Variants in LRRC4C observed in about 807,000 individuals in gnomAD.
LRRC4C encodes leucine rich repeat containing 4C, also known as leucine-rich repeat-containing protein 4C.
A neutral mutation model predicts 33.6 loss-of-function variants in LRRC4C; 5 were observed. That is an observed-to-expected ratio of 0.15 (90% CI 0.08 to 0.31). The LOEUF is 0.31. Among genes scored for constraint, LRRC4C ranks in the 10% least tolerant of loss-of-function variants. The pLI is 1.00. For missense variants in LRRC4C, 560 were observed against 796.7 expected (o/e 0.70, Z 3.58); for synonymous variants, 329 against 302.0 (o/e 1.09, Z -0.93).
chr11:40,858,608 T>G (rs901119765), intron 2 of LRRC4C, among the ~76,000 whole-genome samples: 1 of 149,420 alleles, frequency 6.7e-6, no homozygotes, highest in Non-Finnish European at 1.5e-5. Context: ...GCGGGAGAAT[T>G]GCTTGAACCC....
chr11:41,196,637 A>G lies in LRRC4C; in HGVS notation c.-496+262794T>C, dbSNP rs55635943. Among the ~76,000 whole-genome samples, 522 of 152,196 alleles carry G rather than the reference A, an allele frequency of 3.4e-3. 1 individual carries two copies. The highest frequency in any genetic ancestry group is 0.012 in the African/African-American group (486 of 41,568). ...ATGTATACATAAAATGCAAGAATGA[A>G]TAGATGGATAACTGGATGGACAGCT... On this transcript the variant is annotated intron_variant, in intron 1 of 6. Coordinates refer to ENST00000528697, the MANE Select transcript of LRRC4C (RefSeq NM_001258419.2).
At chr11:40,310,331 G>A (rs1016064748) in intron 4 of LRRC4C, among the ~76,000 whole-genome samples, 10 of 152,160 alleles carry the variant, frequency 6.6e-5, no homozygotes, top group African/African-American at 2.4e-4. Context: ...AATAAGGAAT[G>A]AATCAGAACC....
chr11:40,253,231 A>T (rs185266786), intron 4 of LRRC4C, among the ~76,000 whole-genome samples: 1 of 152,340 alleles, frequency 6.6e-6, no homozygotes, highest in East Asian at 1.9e-4. Context: ...TAAGACTTGT[A>T]AAAACAGTTT....
intron 5 of LRRC4C, among the ~76,000 whole-genome samples, chr11:40,208,948 C>CGTGTGTGT (rs58767227): frequency 0.26 from 38,547 of 146,516 alleles, 5,083 homozygotes; most frequent in East Asian, 0.36. Flanking sequence ...CTTTTGTGCA[C>CGTGTGTGT]GTGTGTGTGT....
At chr11:40,650,359 C>CTGAA (rs1297830327) in intron 2 of LRRC4C, among the ~76,000 whole-genome samples, 1 of 152,108 alleles carries the variant, frequency 6.6e-6, no homozygotes, top group Non-Finnish European at 1.5e-5. Context: ...CATAAACCAT[C>CTGAA]TGAAAAAGGG....
intron 2 of LRRC4C, among the ~76,000 whole-genome samples, chr11:40,801,306 G>C (rs1057126083): frequency 6.6e-6 from 1 of 152,042 alleles, no homozygotes; most frequent in Non-Finnish European, 1.5e-5. Context: ...CAGCTGGTGT[G>C]CCCTTCCTCA....
chr11:41,102,249 T>A (rs966750236), intron 1 of LRRC4C, among the ~76,000 whole-genome samples: 9 of 152,142 alleles, frequency 5.9e-5, no homozygotes, highest in African/African-American at 2.2e-4. Flanking sequence ...GAATAAAAAA[T>A]GTTTATTCCA....
At chr11:41,260,221 G>T (rs1319989907) in intron 1 of LRRC4C, among the ~76,000 whole-genome samples, 1 of 151,916 alleles carries the variant, frequency 6.6e-6, no homozygotes. Flanking sequence ...AAGATACCTT[G>T]CCTGTTTCTA....
chr11:40,496,556 G>A (rs1954469278), intron 3 of LRRC4C, among the ~76,000 whole-genome samples: 4 of 151,926 alleles, frequency 2.6e-5, no homozygotes, highest in Admixed American at 2.0e-4. Flanking sequence ...AATCCGCATA[G>A]ACCATCCTAC....
At chr11:40,936,631 C>T (rs1222491505) in intron 1 of LRRC4C, among the ~76,000 whole-genome samples, 2 of 151,920 alleles carry the variant, frequency 1.3e-5, no homozygotes, top group South Asian at 2.1e-4. Context: ...CCACCGTGCC[C>T]GGCCAGTATC....
chr11:40,984,239 G>T (rs565501128), intron 1 of LRRC4C, among the ~76,000 whole-genome samples: 8 of 148,070 alleles, frequency 5.4e-5, no homozygotes, highest in African/African-American at 2.0e-4. Context: ...GGAAAGGAAA[G>T]GGGAAAGGAA....
At chr11:40,999,428 C>A (rs929273046) in intron 1 of LRRC4C, among the ~76,000 whole-genome samples, 4 of 152,194 alleles carry the variant, frequency 2.6e-5, no homozygotes, top group Non-Finnish European at 1.5e-5. Flanking sequence ...TGGCAGAATT[C>A]TTTAAAAATA....
At chr11:40,452,802 CTGGA>C (rs1590786214) in intron 3 of LRRC4C, among the ~76,000 whole-genome samples, 1 of 152,196 alleles carries the variant, frequency 6.6e-6, no homozygotes, top group East Asian at 1.9e-4. Flanking sequence ...CAATGATAGA[CTGGA>C]TTAAGAAAAT....
At chr11:41,011,516 A>C (rs1592330353) in intron 1 of LRRC4C, among the ~76,000 whole-genome samples, 2 of 152,138 alleles carry the variant, frequency 1.3e-5, no homozygotes, top group African/African-American at 2.4e-5. Flanking sequence ...ACTATAAAGT[A>C]AATAAAATCG....
intron 1 of LRRC4C, among the ~76,000 whole-genome samples, chr11:41,174,538 C>A (rs1945113027): frequency 6.6e-6 from 1 of 151,988 alleles, no homozygotes; most frequent in Non-Finnish European, 1.5e-5. Context: ...TGTCTGGAAT[C>A]AAATCTGCCT....
At chr11:40,801,516 G>A (rs771032332) in intron 2 of LRRC4C, among the ~76,000 whole-genome samples, 1 of 152,126 alleles carries the variant, frequency 6.6e-6, no homozygotes, top group African/African-American at 2.4e-5. Context: ...GGCATGGACT[G>A]CACCTATTTT....
rs1029966611 is a variant in LRRC4C at position 41,152,276 on chromosome 11, G to A, written c.-495-218553C>T. Among the ~76,000 whole-genome samples the A allele has an allele frequency of 6.6e-5, 10 of 152,326 alleles. No homozygotes were observed. In the South Asian group the frequency reaches 2.1e-3, roughly 32 times the overall value. On this transcript the variant is annotated intron_variant, in intron 1 of 6. Transcript: ENST00000528697. ...AGAGAAAGAACTGATGCTCACAGAA[G>A]TAAGCTGACTTCTCCAGAGTCATAG...
intron 6 of LRRC4C, among the ~76,000 whole-genome samples, chr11:40,122,032 A>G (rs1855863686): frequency 6.6e-6 from 1 of 152,130 alleles, no homozygotes; most frequent in African/African-American, 2.4e-5. Context: ...CCACCAAAGC[A>G]AATGGCTTCA....
At chr11:41,421,168 T>C (rs182115966) in intron 1 of LRRC4C, among the ~76,000 whole-genome samples, 4 of 152,174 alleles carry the variant, frequency 2.6e-5, no homozygotes, top group Admixed American at 2.6e-4. Context: ...CTTAGGTTAA[T>C]GATTCACAGT....
Sources: allele counts gnomAD v4.1 joint callset (sites outside exome capture counted in the v4.1 genomes callset), GRCh38; gene constraint gnomAD v4.1.1; transcripts MANE v1.5; gene names NCBI Gene and HGNC (gene_info 2026-07-23, HGNC 2026-07-21).